Variants in TES observed in about 807,000 individuals in gnomAD.
TES encodes the protein testin.
Under a neutral mutation model 48.2 loss-of-function variants are expected in TES, and 41 were observed. The ratio of observed to expected loss-of-function variants is 0.85; its 90% CI spans 0.66 to 1.10. The LOEUF is 1.10. Ranked by LOEUF, TES falls within the 50% of genes least tolerant of loss-of-function variation. TES has a pLI of 0.00. For synonymous variants in TES, 162 were observed against 174.9 expected (o/e 0.93, Z 0.58); for missense variants, 463 against 515.1 (o/e 0.90, Z 0.98).
chr7:116,222,483 A>G (rs1215707514), intron 1 of TES, among the ~76,000 whole-genome samples: 1 of 152,174 alleles, frequency 6.6e-6, no homozygotes, highest in African/African-American at 2.4e-5. Flanking sequence ...TTAGATAGTT[A>G]AAGAATTAGT....
intron 2 of TES, among the ~76,000 whole-genome samples, chr7:116,236,356 TTGCATTCAAAAA>T (rs1278399768): frequency 1.3e-5 from 2 of 152,194 alleles, no homozygotes; most frequent in Admixed American, 1.3e-4. Flanking sequence ...GTGTGACAGG[TTGCATTCAAAAA>T]TGCATTCAAA....
At chr7:116,251,315 A>G (rs1349848844) in intron 4 of TES, among the ~76,000 whole-genome samples, 3 of 152,186 alleles carry the variant, frequency 2.0e-5, no homozygotes, top group Non-Finnish European at 2.9e-5. Context: ...TACATCGACA[A>G]ATTTGTAATT....
At chr7:116,247,837 T>C (rs1799949104) in intron 2 of TES, among the ~76,000 whole-genome samples, 2 of 152,220 alleles carry the variant, frequency 1.3e-5, no homozygotes. Flanking sequence ...AGGTTCAGAA[T>C]GTACCTGTGC....
At chr7:116,232,705 G>T (rs980119592) in intron 1 of TES, among the ~76,000 whole-genome samples, 1 of 151,804 alleles carries the variant, frequency 6.6e-6, no homozygotes, top group African/African-American at 2.4e-5. Context: ...GATCATCAGT[G>T]ACAAGGAAAC....
intron 6 of TES, among the ~76,000 whole-genome samples, chr7:116,253,271 T>C (rs989203943): frequency 2.6e-5 from 4 of 152,220 alleles, no homozygotes; most frequent in African/African-American, 9.6e-5. Context: ...TATAAGAGTG[T>C]GGTACTGTGA....
intron 1 of TES, 145 bp downstream of exon 1, chr7:116,210,879 G>A (rs942969400): frequency 5.9e-6 from 4 of 682,604 alleles, no homozygotes; most frequent in African/African-American, 5.7e-5. Context: ...CGGGCCCAGG[G>A]ACCTGGCCCC....
chr7:116,220,418 G>A (rs926809447), intron 1 of TES, among the ~76,000 whole-genome samples: 3 of 152,142 alleles, frequency 2.0e-5, no homozygotes, highest in African/African-American at 2.4e-5. Flanking sequence ...AGGAAGCAGC[G>A]CAGACTTTGA....
At chr7:116,254,041 C>G (rs1800057426) in intron 6 of TES, among the ~76,000 whole-genome samples, 1 of 148,734 alleles carries the variant, frequency 6.7e-6, no homozygotes, top group Admixed American at 6.7e-5. Flanking sequence ...CATGGTCATT[C>G]CTTTACCTAG....
intron 1 of TES, among the ~76,000 whole-genome samples, chr7:116,219,396 T>G (rs1799530210): frequency 6.6e-6 from 1 of 152,158 alleles, no homozygotes; most frequent in Non-Finnish European, 1.5e-5. Context: ...TGATCTCCCT[T>G]AACTGTGATG....
intron 1 of TES, among the ~76,000 whole-genome samples, chr7:116,226,815 C>T (rs1265963332): frequency 6.6e-6 from 1 of 152,130 alleles, no homozygotes; most frequent in Non-Finnish European, 1.5e-5. Flanking sequence ...ACAAGGAGGC[C>T]TCTGGGCCCC....
intron 5 of TES, 43 bp from the exon 6 acceptor site, chr7:116,252,275 C>A: frequency 6.4e-7 from 1 of 1,557,200 alleles, no homozygotes; most frequent in South Asian, 1.2e-5. Context: ...ATATAAATCT[C>A]TTATTATATA....
intron 6 of TES, among the ~76,000 whole-genome samples, chr7:116,254,549 C>T (rs1411295909): frequency 4.6e-5 from 7 of 152,010 alleles, no homozygotes; most frequent in Non-Finnish European, 1.0e-4. Context: ...GCCTGGCCAA[C>T]ATGGTGAAAC....
At chr7:116,236,145 A>G (rs1251935454) in intron 2 of TES, among the ~76,000 whole-genome samples, 2 of 152,170 alleles carry the variant, frequency 1.3e-5, no homozygotes, top group African/African-American at 4.8e-5. Context: ...ATGAATTAGA[A>G]CATCTCTGCT....
chr7:116,248,976 A>G (rs778318932), intron 2 of TES, 44 bp from the exon 3 acceptor site: 11 of 1,499,398 alleles, frequency 7.3e-6, no homozygotes, highest in Middle Eastern at 1.8e-4. Context: ...ATAAATATCA[A>G]TTAGGTACAA....
At chr7:116,223,394 A>T (rs1335648448) in intron 1 of TES, among the ~76,000 whole-genome samples, 1 of 152,150 alleles carries the variant, frequency 6.6e-6, no homozygotes, top group African/African-American at 2.4e-5. Flanking sequence ...TATATAATGG[A>T]ATTTAAAAGT....
chr7:116,228,534 C>T (rs993927087), intron 1 of TES, among the ~76,000 whole-genome samples: 8 of 152,120 alleles, frequency 5.3e-5, no homozygotes, highest in Non-Finnish European at 7.4e-5. Context: ...GCAGGGAATA[C>T]CGTATCACAT....
chr7:116,252,637 C>T, intron 6 of TES, 161 bp downstream of exon 6: 2 of 929,020 alleles, frequency 2.2e-6, no homozygotes, highest in Non-Finnish European at 3.4e-6. Context: ...AATTCAAAAA[C>T]AATACATGCA....
intron 2 of TES, among the ~76,000 whole-genome samples, chr7:116,237,606 A>G (rs1962150): frequency 0.16 from 24,563 of 152,128 alleles, 2,177 homozygotes; most frequent in East Asian, 0.42. Flanking sequence ...AAAAAGTCTC[A>G]GCTCAAGAAA....
At position 116,252,696 on chromosome 7, in the gene TES, A is replaced by G. The variant is rs371065490; in HGVS notation, c.1077+220A>G. 2.4e-5 allele frequency: 14 copies of G among 591,226 alleles called. No individual in the cohort carries two copies. In the African/African-American group the frequency reaches 2.4e-4, roughly 10 times the overall value. 36.6% of individuals were successfully genotyped at this position (591,226 alleles called of 1,614,324 possible). A position where few individuals can be genotyped will look rare whatever the true frequency, so the allele number is the denominator to read the frequency against. ...TTCTACTTGTGAAATTTACAATATC[A>G]ATTATAGGTACTGCTTAATAATAAA... On this transcript the variant is annotated intron_variant, in intron 6 of 6. Transcript: ENST00000358204.
Sources: gnomAD v4.1 joint callset for allele counts (sites outside exome capture counted in the v4.1 genomes callset) on GRCh38, gnomAD v4.1.1 for gene constraint, MANE v1.5 for transcripts, NCBI Gene and HGNC (gene_info 2026-07-23, HGNC 2026-07-21) for gene names.